The following CPNE8 variants were observed in gnomAD, a reference collection of about 807,000 sequenced individuals.
CPNE8 encodes the protein copine-8.
A neutral mutation model predicts 81.5 loss-of-function variants in CPNE8; 45 were observed. That is an observed-to-expected ratio of 0.55 (90% CI 0.44 to 0.71). The LOEUF (loss-of-function observed/expected upper bound fraction) is 0.71, where lower values mean the gene tolerates loss of function less well. Ranked by LOEUF, CPNE8 falls within the 30% of genes least tolerant of loss-of-function variation. The pLI is 0.00. For missense variants in CPNE8, 594 were observed against 672.1 expected (o/e 0.88, Z 1.28); for synonymous variants, 252 against 226.3 (o/e 1.11, Z -1.02).
In CPNE8 at chr12:38,900,873, C is replaced by T. The variant is rs575125921; in HGVS notation, c.98+4564G>A. On this transcript the variant is annotated intron_variant, in intron 1 of 19. Coordinates refer to ENST00000331366, the MANE Select transcript of CPNE8 (RefSeq NM_153634.3). The stretch of plus-strand genomic sequence containing the variant: ...GGGCTTTTTAGAATGCCTAGCACCA[C>T]GTAGGCACTCAACCCTTTTCCACTT... Among the ~76,000 whole-genome samples the T allele has an allele frequency of 4.9e-4, 75 of 152,266 alleles. 3 individuals are homozygous for T. The South Asian group carries it at 0.014, about 29-fold the overall frequency.
intron 1 of CPNE8, among the ~76,000 whole-genome samples, chr12:38,903,672 G>A (rs749726766): frequency 6.6e-6 from 1 of 152,198 alleles, no homozygotes; most frequent in African/African-American, 2.4e-5. Flanking sequence ...CAGAGGATAA[G>A]AACTCTAGTA....
At chr12:38,895,525 A>G (rs910979990) in intron 1 of CPNE8, among the ~76,000 whole-genome samples, 4 of 152,046 alleles carry the variant, frequency 2.6e-5, no homozygotes, top group African/African-American at 9.7e-5. Flanking sequence ...CTACATCTTC[A>G]TTAGGTAACT....
intron 12 of CPNE8, among the ~76,000 whole-genome samples, chr12:38,724,475 T>C (rs921408792): frequency 2.0e-5 from 3 of 152,222 alleles, no homozygotes; most frequent in Non-Finnish European, 2.9e-5. Context: ...AAACGAGTCT[T>C]ACTTATTAAG....
In CPNE8 at chr12:38,670,380, T is replaced by A. The variant is rs550689916; in HGVS notation, c.1506+349A>T. ...TACATTTAATTACTGGTTGTTTATATTCACTTCCAGAGTAATACGCTTTAC... is the reference window on the plus strand; with the variant it reads ...TACATTTAATTACTGGTTGTTTATAATCACTTCCAGAGTAATACGCTTTAC... On this transcript the variant is annotated intron_variant, in intron 19 of 19. Transcript: ENST00000331366. 7.2e-5 allele frequency among the ~76,000 whole-genome samples: 11 copies of A among 152,314 alleles called. No individual in the cohort carries two copies. The East Asian group carries it at 2.1e-3, about 29-fold the overall frequency.
chr12:38,784,098 A>T (rs894984761), intron 6 of CPNE8, among the ~76,000 whole-genome samples: 1 of 152,226 alleles, frequency 6.6e-6, no homozygotes, highest in Non-Finnish European at 1.5e-5. Flanking sequence ...AGCTGTTTTG[A>T]GGGAACTCAA....
chr12:38,712,034 T>G (rs961074016), intron 13 of CPNE8, among the ~76,000 whole-genome samples: 1 of 152,038 alleles, frequency 6.6e-6, no homozygotes, highest in African/African-American at 2.4e-5. Flanking sequence ...ATTTGATGAA[T>G]GAAAGTACTT....
At chr12:38,721,571 T>C (rs893109685) in intron 13 of CPNE8, among the ~76,000 whole-genome samples, 2 of 152,206 alleles carry the variant, frequency 1.3e-5, no homozygotes, top group African/African-American at 4.8e-5. Context: ...TCATTCTTCC[T>C]GGCTATAGGA....
At chr12:38,871,991 C>A (rs4505102) in intron 3 of CPNE8, among the ~76,000 whole-genome samples, 57 of 151,932 alleles carry the variant, frequency 3.8e-4, no homozygotes, top group Non-Finnish European at 6.6e-4. Flanking sequence ...CAAAATTAGC[C>A]GGGCATGGTG....
At chr12:38,736,530 A>AC (rs74586373) in intron 10 of CPNE8, among the ~76,000 whole-genome samples, 65,349 of 151,684 alleles carry the variant, frequency 0.43, 14,542 homozygotes, top group African/African-American at 0.47. Context: ...TTTTAAAAAA[A>AC]AGAATATATA....
chr12:38,664,993 A>T (rs1000662176), intron 19 of CPNE8, among the ~76,000 whole-genome samples: 8 of 152,180 alleles, frequency 5.3e-5, no homozygotes, highest in African/African-American at 1.7e-4. Flanking sequence ...AACCTTTTCC[A>T]AAGGAACATT....
intron 10 of CPNE8, among the ~76,000 whole-genome samples, chr12:38,736,274 T>A (rs1033561408): frequency 3.3e-5 from 5 of 151,232 alleles, no homozygotes. Context: ...AATTTTAGTA[T>A]GTTAATATTT....
At position 38,658,358 on chromosome 12, in the gene CPNE8, T is replaced by C. The variant is rs375111190; in HGVS notation, c.1507-4288A>G. 5.5e-4 allele frequency among the ~76,000 whole-genome samples: 83 copies of C among 150,520 alleles called. 2 individuals are homozygous for C. In the South Asian group the frequency reaches 8.1e-3, roughly 15 times the overall value. On this transcript the variant is annotated intron_variant, in intron 19 of 19. Transcript: ENST00000331366. ...GAAGACAAGATTAGAAAAAAAAGAG[T>C]AAAAAGAAATGAGCAAAGCCTCCAA... is the stretch of plus-strand genomic sequence containing the variant.
chr12:38,742,080 T>C (rs565330167), intron 10 of CPNE8, among the ~76,000 whole-genome samples: 27 of 152,312 alleles, frequency 1.8e-4, no homozygotes, highest in African/African-American at 6.3e-4. Context: ...TTGGTGGGAC[T>C]GTAAACTAGT....
At chr12:38,789,708 T>C (rs1205699828) in intron 6 of CPNE8, among the ~76,000 whole-genome samples, 1 of 151,706 alleles carries the variant, frequency 6.6e-6, no homozygotes, top group Non-Finnish European at 1.5e-5. Flanking sequence ...TGACAAGGGA[T>C]TCATAATCAG....
intron 12 of CPNE8, among the ~76,000 whole-genome samples, chr12:38,724,585 C>G (rs1419176519): frequency 6.6e-6 from 1 of 152,104 alleles, no homozygotes; most frequent in Non-Finnish European, 1.5e-5. Context: ...GAGTTCATAA[C>G]AAAACTTCAG....
intron 7 of CPNE8, among the ~76,000 whole-genome samples, chr12:38,773,235 T>C (rs902905732): frequency 6.6e-6 from 1 of 152,144 alleles, no homozygotes; most frequent in African/African-American, 2.4e-5. Context: ...AGAGATCTAC[T>C]ATATACAGTA....
intron 3 of CPNE8, among the ~76,000 whole-genome samples, chr12:38,856,292 T>C (rs1457076193): frequency 6.6e-6 from 1 of 152,070 alleles, no homozygotes; most frequent in Non-Finnish European, 1.5e-5. Context: ...CAAGAAGCAA[T>C]ATCAATCTTC....
chr12:38,831,771 A>T (rs1943290052), intron 5 of CPNE8, among the ~76,000 whole-genome samples: 1 of 152,220 alleles, frequency 6.6e-6, no homozygotes, highest in Non-Finnish European at 1.5e-5. Context: ...GAAAGAACTG[A>T]AAACTGAAGA....
intron 18 of CPNE8, among the ~76,000 whole-genome samples, chr12:38,672,405 A>G (rs1489205851): frequency 2.0e-5 from 3 of 152,192 alleles, no homozygotes; most frequent in Admixed American, 2.0e-4. Flanking sequence ...TTTGAGAGCA[A>G]GAAGAGAGAT....
Sources: allele counts gnomAD v4.1 joint callset (sites outside exome capture counted in the v4.1 genomes callset), GRCh38; gene constraint gnomAD v4.1.1; transcripts MANE v1.5; gene names NCBI Gene and HGNC (gene_info 2026-07-23, HGNC 2026-07-21).